The following LRP1B variants were observed in gnomAD, a reference collection of about 807,000 sequenced individuals.
LRP1B encodes LDL receptor related protein 1B.
In LRP1B, 217 loss-of-function variants were observed where a neutral mutation model predicts 556.6. The observed-to-expected ratio is 0.39, with a 90% CI of 0.35 to 0.44. LRP1B has a LOEUF of 0.44. LRP1B is among the 20% of genes least tolerant of loss of function. LRP1B has a pLI of 1.00. For synonymous variants in LRP1B, 2,047 were observed against 1,865.8 expected (o/e 1.10, Z -2.50); for missense variants, 5,053 against 5,620.8 (o/e 0.90, Z 3.23).
intron 55 of LRP1B, among the ~76,000 whole-genome samples, chr2:140,499,345 C>T (rs533707631): frequency 6.6e-6 from 1 of 151,808 alleles, no homozygotes; most frequent in Admixed American, 6.6e-5. Flanking sequence ...AATTTACTAC[C>T]AAGTTTGTTA....
At chr2:140,581,476 A>T (rs1301366273) in intron 43 of LRP1B, among the ~76,000 whole-genome samples, 1 of 151,378 alleles carries the variant, frequency 6.6e-6, no homozygotes, top group Non-Finnish European at 1.5e-5. Flanking sequence ...CTCTTGCCTC[A>T]GGCTTTGTTA....
chr2:140,743,973 AAAAAAAAAAAAAAAAAAAGT>A (rs1004935670), intron 35 of LRP1B, among the ~76,000 whole-genome samples: 5 of 41,244 alleles, frequency 1.2e-4, no homozygotes, highest in Non-Finnish European at 2.9e-4. Flanking sequence ...CTCAAAAAAA[AAAAAAAAAAAAAAAAAAAGT>A]AAAAAGTAAA....
In LRP1B at chr2:142,130,521, G is replaced by C. The variant is rs149271074; in HGVS notation, c.82+127C>G. 9.3e-6 allele frequency: 7 copies of C among 753,798 alleles called. No homozygotes were observed. In the Admixed American group the frequency reaches 2.0e-4, roughly 22 times the overall value. The allele number at this position is 753,798 out of a possible 1,614,324, so 46.7% of individuals were successfully genotyped here. On this transcript the variant is annotated intron_variant, in intron 1 of 90. Coordinates refer to ENST00000389484, the MANE Select transcript of LRP1B (RefSeq NM_018557.3). Reference sequence around the variant, plus strand: ...TCACCCCCGCACAGGGCCAGCGCACGGTGGTCACCCGGTCCCGGGGAGCGG... The same window carrying C: ...TCACCCCCGCACAGGGCCAGCGCACCGTGGTCACCCGGTCCCGGGGAGCGG...
intron 2 of LRP1B, among the ~76,000 whole-genome samples, chr2:141,807,670 C>T (rs1696207743): frequency 6.6e-6 from 1 of 152,102 alleles, no homozygotes; most frequent in African/African-American, 2.4e-5. Context: ...CACGCAATTT[C>T]CAATTTGAGG....
chr2:141,490,370 C>T (rs4527151), intron 2 of LRP1B, among the ~76,000 whole-genome samples: 53,393 of 120,972 alleles, frequency 0.44, 10,950 homozygotes, highest in East Asian at 0.69. Flanking sequence ...AAAATAGCCT[C>T]GTGTGTGTGT....
chr2:141,230,596 T>G (rs1386582461), intron 5 of LRP1B, among the ~76,000 whole-genome samples: 2 of 152,178 alleles, frequency 1.3e-5, no homozygotes, highest in Non-Finnish European at 2.9e-5. Flanking sequence ...TATTAATTAC[T>G]TCTTTAACCT....
intron 1 of LRP1B, among the ~76,000 whole-genome samples, chr2:141,830,380 G>A (rs1697073137): frequency 6.6e-6 from 1 of 151,762 alleles, no homozygotes; most frequent in African/African-American, 2.4e-5. Context: ...TAGCATTTGA[G>A]AAACCTAAAA....
chr2:141,395,998 T>C (rs1169721399), intron 3 of LRP1B, among the ~76,000 whole-genome samples: 1 of 152,188 alleles, frequency 6.6e-6, no homozygotes, highest in Non-Finnish European at 1.5e-5. Flanking sequence ...TCTATGGCAC[T>C]CATGAATGAT....
intron 41 of LRP1B, among the ~76,000 whole-genome samples, chr2:140,655,701 G>T (rs994957454): frequency 6.6e-6 from 1 of 152,190 alleles, no homozygotes; most frequent in Non-Finnish European, 1.5e-5. Context: ...CCAGCACTTT[G>T]GGGGGCCGAG....
At chr2:141,388,491 T>A (rs145259037) in intron 3 of LRP1B, among the ~76,000 whole-genome samples, 31 of 152,098 alleles carry the variant, frequency 2.0e-4, no homozygotes, top group Middle Eastern at 3.4e-3. Context: ...GAAACTAAGA[T>A]TAGATGGAAA....
intron 2 of LRP1B, among the ~76,000 whole-genome samples, chr2:141,679,125 A>G (rs192038640): frequency 6.6e-6 from 1 of 152,242 alleles, no homozygotes; most frequent in East Asian, 1.9e-4. Context: ...CCAATAGCCA[A>G]TGAGAATCTG....
intron 77 of LRP1B, 81 bp from the exon 78 acceptor site, chr2:140,335,919 T>TG: frequency 1.2e-6 from 1 of 838,906 alleles, no homozygotes. Flanking sequence ...ATTGAAGTTA[T>TG]GGGGGAATTG....
At chr2:141,518,407 T>A (rs1684403272) in intron 2 of LRP1B, among the ~76,000 whole-genome samples, 1 of 152,116 alleles carries the variant, frequency 6.6e-6, no homozygotes, top group Non-Finnish European at 1.5e-5. Flanking sequence ...TCTTAGTGAT[T>A]AAAATTGTTT....
chr2:140,440,247 A>C (rs1240010980), intron 66 of LRP1B, among the ~76,000 whole-genome samples: 1 of 152,170 alleles, frequency 6.6e-6, no homozygotes, highest in African/African-American at 2.4e-5. Context: ...ACTGAAATAA[A>C]AATGGATTCT....
chr2:141,146,130 G>T (rs1232525986), intron 7 of LRP1B, among the ~76,000 whole-genome samples: 1 of 151,398 alleles, frequency 6.6e-6, no homozygotes, highest in Non-Finnish European at 1.5e-5. Context: ...TTGCCATATT[G>T]GCCAGGCTGG....
chr2:141,045,927 A>G (rs7606917), intron 11 of LRP1B, among the ~76,000 whole-genome samples: 125,565 of 152,042 alleles, frequency 0.83, 52,468 homozygotes, highest in East Asian at 0.93. Flanking sequence ...ATATGTTTTC[A>G]CTTAGCAGAT....
chr2:141,873,555 AAAAAT>A (rs1698658932), intron 1 of LRP1B, among the ~76,000 whole-genome samples: 1 of 151,976 alleles, frequency 6.6e-6, no homozygotes, highest in Non-Finnish European at 1.5e-5. Flanking sequence ...ATAATTAGAA[AAAAAT>A]AATTTATGTG....
At chr2:141,368,580 G>A (rs925194024) in intron 3 of LRP1B, among the ~76,000 whole-genome samples, 2 of 152,166 alleles carry the variant, frequency 1.3e-5, no homozygotes, top group African/African-American at 4.8e-5. Flanking sequence ...GATTCTAAAT[G>A]TCAATGCATA....
chr2:141,369,407 T>G (rs1347203493), intron 3 of LRP1B, among the ~76,000 whole-genome samples: 1 of 152,138 alleles, frequency 6.6e-6, no homozygotes, highest in Non-Finnish European at 1.5e-5. Flanking sequence ...TGAAAATTCA[T>G]TTTGTCAGTT....
Sources: gnomAD v4.1 joint callset for allele counts (sites outside exome capture counted in the v4.1 genomes callset) on GRCh38, gnomAD v4.1.1 for gene constraint, MANE v1.5 for transcripts, NCBI Gene and HGNC (gene_info 2026-07-23, HGNC 2026-07-21) for gene names.